ODAM: variants seen among roughly 807,000 people sequenced by gnomAD.
The protein encoded by ODAM is odontogenic, ameloblast associated.
In ODAM, 55 loss-of-function variants were observed where a neutral mutation model predicts 48.5. The ratio of observed to expected loss-of-function variants is 1.13; its 90% CI spans 0.91 to 1.42. The LOEUF (loss-of-function observed/expected upper bound fraction) is 1.42. Among genes scored for constraint, ODAM ranks in the 40% most tolerant of loss-of-function variants. The pLI is 0.00. For missense variants in ODAM, 353 were observed against 323.6 expected (o/e 1.09, Z -0.70); for synonymous variants, 127 against 107.8 (o/e 1.18, Z -1.10).
chr4:70,202,146 A>C, intron 8 of ODAM, 112 bp from the exon 9 acceptor site: 1 of 740,272 alleles, frequency 1.4e-6, no homozygotes, highest in East Asian at 2.7e-5. Flanking sequence ...GTTTTTAGCA[A>C]AATAATTTAA....
At chr4:70,198,514 C>A in intron 5 of ODAM, 65 bp from the exon 6 acceptor site, 1 of 1,241,174 alleles carries the variant, frequency 8.1e-7, no homozygotes, top group South Asian at 1.3e-5. Flanking sequence ...CTAGGAAAAG[C>A]AGCTCAGGGA....
Position 70,203,181 on chromosome 4 carries a change from C to T in ODAM, c.836C>T (p.Pro279Leu), listed in dbSNP as rs770267053. ...GACAAGACTGACAGCCTAAGGGAACCATAAGAAGTTGCCCTGATCATTCAG... is the reference window on the plus strand; with the variant it reads ...GACAAGACTGACAGCCTAAGGGAACTATAAGAAGTTGCCCTGATCATTCAG... Reference protein sequence around the residue: ...EKDKTDSLREP With the variant: ...EKDKTDSLREL The change falls in exon 11 of 12, where the codon CCA becomes CTA. Residue 279 changes from proline to leucine, a missense_variant. Physicochemically the swap from Pro to Leu is moderately conservative, Grantham distance 98. Coordinates refer to ENST00000683306, the MANE Select transcript of ODAM (RefSeq NM_017855.4). 6.2e-7 allele frequency: 1 copy of T among 1,601,832 alleles called. No individual in the cohort carries two copies. The highest frequency in any genetic ancestry group is 1.1e-5 in the South Asian group (1 of 90,450).
At chr4:70,201,365 AG>A in intron 7 of ODAM, 88 bp from the exon 8 acceptor site, 2 of 619,126 alleles carry the variant, frequency 3.2e-6, no homozygotes, top group Non-Finnish European at 5.7e-6. Flanking sequence ...TTATATAAAA[AG>A]ATATATAAGT....
chr4:70,202,662 T>C lies in ODAM; in HGVS notation c.649-94T>C, dbSNP rs879764639. Reference sequence around the variant, plus strand: ...AACTCTTTTTTTAATATAATGCTTTTGTTACATCTCAATCCTGTTGCTTTA... The same window carrying C: ...AACTCTTTTTTTAATATAATGCTTTCGTTACATCTCAATCCTGTTGCTTTA... On this transcript the variant is annotated intron_variant, in intron 9 of 11. Transcript: ENST00000683306. The C allele has an allele frequency of 1.5e-5, 13 of 880,266 alleles. 1 individual carries two copies. The highest frequency in any genetic ancestry group is 4.7e-4 in the Middle Eastern group (2 of 4,260). 54.5% of individuals were successfully genotyped at this position (880,266 alleles called of 1,614,324 possible).
Position 70,204,276 on chromosome 4 carries a change from C to T in ODAM, c.*131C>T, listed in dbSNP as rs1270194207. ...TACATGAAATATCTTGACTCTTCTC[C>T]TAAATTTGTTTTTACTTATACATGT... On this transcript the variant is annotated 3_prime_UTR_variant, in exon 12 of 12. Coordinates refer to ENST00000683306, the MANE Select transcript of ODAM (RefSeq NM_017855.4). The T allele has an allele frequency of 6.6e-6, 1 of 151,842 alleles. No individual in the cohort carries two copies. The highest frequency in any genetic ancestry group is 1.5e-5 in the Non-Finnish European group (1 of 67,946). 9.4% of individuals were successfully genotyped at this position (151,842 alleles called of 1,614,324 possible).
chr4:70,199,520 T>C (rs1266187905), intron 6 of ODAM, among the ~76,000 whole-genome samples: 1 of 152,020 alleles, frequency 6.6e-6, no homozygotes, highest in African/African-American at 2.4e-5. Flanking sequence ...CCTCATCCCA[T>C]TGAAAGTAAA....
rs568616476 is a variant in ODAM at position 70,204,567 on chromosome 4, C to A, written c.*422C>A. The A allele has an allele frequency of 1.3e-5, 2 of 152,018 alleles. No homozygotes were observed. The highest frequency in any genetic ancestry group is 4.8e-5 in the African/African-American group (2 of 41,498). 9.4% of individuals were successfully genotyped at this position (152,018 alleles called of 1,614,324 possible). A position where few individuals can be genotyped will look rare whatever the true frequency, so the allele number is the denominator to read the frequency against. On this transcript the variant is annotated 3_prime_UTR_variant, in exon 12 of 12. Transcript: ENST00000683306. ...GGAACTGATGAAGTAAAATAAGTAT[C>A]TAGATTTGACATGTCATCTCTTCAT...
In ODAM at chr4:70,196,528, G is replaced by A. The variant is rs1729367912; in HGVS notation, c.-15-1G>A. 6.6e-7 allele frequency: 1 copy of A among 1,505,254 alleles called. No homozygotes were observed. The highest frequency in any genetic ancestry group is 9.1e-7 in the Non-Finnish European group (1 of 1,093,880). The allele number at this position is 1,505,254 out of a possible 1,614,324, so 93.2% of individuals were successfully genotyped here. A position where few individuals can be genotyped will look rare whatever the true frequency, so the allele number is the denominator to read the frequency against. On this transcript the variant is annotated splice_acceptor_variant, in intron 1 of 11. Transcript: ENST00000683306. LOFTEE classifies it low-confidence loss of function (5UTR_SPLICE). ...GCTAAAGATCACAACTTATTTTCTA[G>A]ATATATCATACGAAAATGAAAATTA...
Position 70,196,679 on chromosome 4 carries a change from T to G in ODAM, c.52-13T>G. 13 of 1,607,234 alleles carry G rather than the reference T, an allele frequency of 8.1e-6. No homozygotes were observed. The highest frequency in any genetic ancestry group is 1.1e-5 in the Non-Finnish European group (13 of 1,176,400). On this transcript the variant is annotated splice_polypyrimidine_tract_variant and intron_variant, in intron 2 of 11. Transcript: ENST00000683306. Reference sequence around the variant, plus strand: ...TTTACTATTTCTGATTTTTTTTTCATTTTTACTTTTAGCTTATCCCACAGC... The same window carrying G: ...TTTACTATTTCTGATTTTTTTTTCAGTTTTACTTTTAGCTTATCCCACAGC...
At chr4:70,203,896 A>T (rs1560485406) in intron 11 of ODAM, among the ~76,000 whole-genome samples, 1 of 151,970 alleles carries the variant, frequency 6.6e-6, no homozygotes, top group African/African-American at 2.4e-5. Flanking sequence ...AGCATTCTTC[A>T]GATGAAAAAA....
chr4:70,203,838 C>T (rs1385056906), intron 11 of ODAM, among the ~76,000 whole-genome samples: 2 of 151,914 alleles, frequency 1.3e-5, no homozygotes, highest in Admixed American at 1.3e-4. Flanking sequence ...CTCCTCCCTG[C>T]TGCCTGTGAG....
At chr4:70,196,633 A>C (rs2109814515) in intron 2 of ODAM, 39 bp downstream of exon 2, 4 of 1,594,350 alleles carry the variant, frequency 2.5e-6, no homozygotes, top group East Asian at 2.2e-5. Context: ...CACTGTGTTA[A>C]ACCTTCAACA....
At chr4:70,201,837 G>T (rs1338561854) in intron 8 of ODAM, among the ~76,000 whole-genome samples, 1 of 151,932 alleles carries the variant, frequency 6.6e-6, no homozygotes, top group East Asian at 1.9e-4. Context: ...CTAAGGCAAG[G>T]ATAGTGGAGC....
In ODAM at chr4:70,198,128, C is replaced by G. The variant is rs745679794; in HGVS notation, c.346C>G (p.Pro116Ala). The change falls in exon 5 of 12, where the codon CCG (proline) becomes GCG (alanine). Residue 116 changes from proline (P) to alanine (A), a missense_variant. Pro to Ala is a conservative substitution (Grantham distance 27, BLOSUM62 -1). Coordinates refer to ENST00000683306, the MANE Select transcript of ODAM (RefSeq NM_017855.4). Reference protein sequence around the residue: ...GQVDPLQLQTPPQTQPGPSHV... With the variant: ...GQVDPLQLQTAPQTQPGPSHV... ...AGTTGATCCCTTACAGCTTCAAACA[C>G]CGCCTCAGACACAACCAGGCCCCAG... 8.7e-6 allele frequency: 14 copies of G among 1,613,058 alleles called. No individual in the cohort carries two copies. In the African/African-American group the frequency reaches 1.7e-4, roughly 20 times the overall value.
intron 5 of ODAM, 84 bp from the exon 6 acceptor site, chr4:70,198,495 T>C (rs1241422611): frequency 1.2e-5 from 12 of 1,041,232 alleles, no homozygotes; most frequent in Non-Finnish European, 1.6e-5. Flanking sequence ...TAAATTTATA[T>C]GGCTAGCTCT....
chr4:70,198,644 C>T lies in ODAM; in HGVS notation c.423+18C>T, dbSNP rs1455168842. 1.3e-6 allele frequency: 2 copies of T among 1,596,366 alleles called. No homozygotes were observed. The highest frequency in any genetic ancestry group is 1.7e-6 in the Non-Finnish European group (2 of 1,167,480). ...AAGGACAGGTAAATGGATATAACAA[C>T]ACTGCCCATAGAGATGGCTACATAC... On this transcript the variant is annotated intron_variant, in intron 6 of 11. Coordinates refer to ENST00000683306, the MANE Select transcript of ODAM (RefSeq NM_017855.4).
At chr4:70,198,822 G>A (rs1378150272) in intron 6 of ODAM, among the ~76,000 whole-genome samples, 196 bp downstream of exon 6, 1 of 151,974 alleles carries the variant, frequency 6.6e-6, no homozygotes, top group Admixed American at 6.6e-5. Flanking sequence ...AGGACAGGCA[G>A]CTAAGTAGAG....
chr4:70,202,760 C>T lies in ODAM; in HGVS notation c.653C>T (p.Thr218Ile). The T allele has an allele frequency of 6.2e-7, 1 of 1,605,258 alleles. No individual in the cohort carries two copies. The highest frequency in any genetic ancestry group is 1.3e-5 in the African/African-American group (1 of 74,480). Residue 218 changes from threonine to isoleucine, a missense_variant, in exon 10 of 12, where the codon ACA (threonine) becomes ATA (isoleucine). Physicochemically the swap from Thr to Ile is moderately conservative, Grantham distance 89. Transcript: ENST00000683306. ...TTTCATTCTCATTCTCTGTAGTCAACAGGAGAAGAGATACCATATTTACAA... is the reference window on the plus strand; with the variant it reads ...TTTCATTCTCATTCTCTGTAGTCAATAGGAGAAGAGATACCATATTTACAA... ...GTAPEIAVMS[T>I]GEEIPYLQKE...
chr4:70,196,734 G>T lies in ODAM; in HGVS notation c.93+1G>T, dbSNP rs188812959. On this transcript the variant is annotated splice_donor_variant, in intron 3 of 11. Transcript: ENST00000683306. LOFTEE classifies it high-confidence loss of function. The stretch of plus-strand genomic sequence containing the variant: ...CATGTCTGCCAGCAATAGCAATGAG[G>T]TTAGTTTAAATAATTAAAACAATCT... The T allele has an allele frequency of 1.2e-6, 2 of 1,601,656 alleles. No homozygotes were observed. The highest frequency in any genetic ancestry group is 1.7e-6 in the Non-Finnish European group (2 of 1,173,366).
Sources: allele counts gnomAD v4.1 joint callset (sites outside exome capture counted in the v4.1 genomes callset), GRCh38; gene constraint gnomAD v4.1.1; transcripts MANE v1.5; gene names NCBI Gene and HGNC (gene_info 2026-07-23, HGNC 2026-07-21).